Variants in MYO1D observed in about 807,000 individuals in gnomAD.
The protein encoded by MYO1D is myosin ID, also known as unconventional myosin-Id.
Under a neutral mutation model 122.0 loss-of-function variants are expected in MYO1D, and 83 were observed. The ratio of observed to expected loss-of-function variants is 0.68; its 90% CI spans 0.57 to 0.82. The LOEUF (loss-of-function observed/expected upper bound fraction) is 0.82. MYO1D is among the 40% of genes least tolerant of loss of function. The pLI is 0.00. For missense variants in MYO1D, 1,157 were observed against 1,269.5 expected, an observed-to-expected ratio of 0.91 and a Z score of 1.35; for synonymous variants, 464 against 446.9, an observed-to-expected ratio of 1.04 and a Z score of -0.48.
intron 1 of MYO1D, among the ~76,000 whole-genome samples, chr17:32,822,477 G>T (rs1452128794): frequency 1.3e-5 from 2 of 148,196 alleles, no homozygotes; most frequent in East Asian, 4.0e-4. Flanking sequence ...GGTGGGGGGC[G>T]GGGGGCGCGC....
chr17:32,654,005 CA>C (rs951631192), intron 18 of MYO1D, 58 bp from the exon 19 acceptor site: 3 of 1,388,834 alleles, frequency 2.2e-6, no homozygotes, highest in Admixed American at 3.8e-5. Context: ...GAAGGAAAGG[CA>C]ATCTTTCAGT....
chr17:32,673,230 A>G (rs912164707), intron 16 of MYO1D, among the ~76,000 whole-genome samples: 11 of 147,354 alleles, frequency 7.5e-5, no homozygotes, highest in Non-Finnish European at 1.5e-4. Flanking sequence ...CAGCCTCCTG[A>G]GTAATTGGGA....
chr17:32,873,099 T>C (rs552274050), intron 1 of MYO1D, among the ~76,000 whole-genome samples: 1 of 152,230 alleles, frequency 6.6e-6, no homozygotes, highest in East Asian at 1.9e-4. Context: ...GAAGGCCAGA[T>C]TAATAGCAAA....
In MYO1D at chr17:32,788,663, T is replaced by C. The variant is rs531380165; in HGVS notation, c.96-7879A>G. Among the ~76,000 whole-genome samples, 158 of 152,344 alleles carry C rather than the reference T, an allele frequency of 1.0e-3. 1 individual carries two copies. The highest frequency in any genetic ancestry group is 3.4e-3 in the Admixed American group (52 of 15,304). ...TGTTTTGGTAACTATAGCCTTACAG[T>C]ATAATTTGAAGTCAGGTAATGTCAT... On this transcript the variant is annotated intron_variant, in intron 1 of 21. Transcript: ENST00000318217.
chr17:32,718,155 A>G (rs2089469138), intron 15 of MYO1D, among the ~76,000 whole-genome samples: 1 of 152,208 alleles, frequency 6.6e-6, no homozygotes, highest in Non-Finnish European at 1.5e-5. Context: ...TCAAATTTAC[A>G]TACACTAAAA....
At chr17:32,690,655 GCT>G (rs2089084785) in intron 16 of MYO1D, among the ~76,000 whole-genome samples, 2 of 152,132 alleles carry the variant, frequency 1.3e-5, no homozygotes, top group African/African-American at 4.8e-5. Context: ...GTGACCTCTT[GCT>G]CTGTTAGTTC....
chr17:32,659,066 T>C, intron 17 of MYO1D, 49 bp downstream of exon 17: 1 of 1,519,552 alleles, frequency 6.6e-7, no homozygotes, highest in South Asian at 1.1e-5. Context: ...TTGCATAGTA[T>C]TAACTGTGCC....
intron 1 of MYO1D, among the ~76,000 whole-genome samples, chr17:32,795,992 C>T (rs1363518448): frequency 2.0e-5 from 3 of 151,952 alleles, no homozygotes; most frequent in Non-Finnish European, 4.4e-5. Context: ...GGGTTCGAAC[C>T]GATACAAGAC....
chr17:32,876,589 C>A lies in MYO1D; in HGVS notation c.95+189G>T, dbSNP rs2091233488. ...CCCCCGCACCCCAAAGCGGCCGCAC[C>A]CCAGGGGCGTCCGCTCTCGGGAAAG... On this transcript the variant is annotated intron_variant, in intron 1 of 21. Coordinates refer to ENST00000318217, the MANE Select transcript of MYO1D (RefSeq NM_015194.3). Among the ~76,000 whole-genome samples, 4 of 152,146 alleles carry A rather than the reference C, an allele frequency of 2.6e-5. No individual in the cohort carries two copies. The South Asian group carries it at 8.3e-4, about 32-fold the overall frequency.
chr17:32,780,774 C>A lies in MYO1D; in HGVS notation c.106G>T (p.Gly36Trp), dbSNP rs773238954. ...MANLRLRFEKGRIYTFIGEVV... is the reference protein window; with the variant it reads ...MANLRLRFEKWRIYTFIGEVV... ...TCTCCAATGAACGTATAGATGCGCC[C>A]TTTTTCAAATCTGTACAGAAGCAAA... Residue 36 changes from glycine to tryptophan, a missense_variant, in exon 2 of 22, where the codon GGG (glycine) becomes TGG (tryptophan). Transcript: ENST00000318217. 1.2e-6 allele frequency: 2 copies of A among 1,614,096 alleles called. No homozygotes were observed. The highest frequency in any genetic ancestry group is 1.1e-5 in the South Asian group (1 of 91,072).
rs1211711299 is a variant in MYO1D at position 32,692,071 on chromosome 17, G to A, written c.2121+19917C>T. Among the ~76,000 whole-genome samples the A allele has an allele frequency of 3.3e-5, 5 of 152,276 alleles. No homozygotes were observed. The South Asian group carries it at 1.0e-3, about 32-fold the overall frequency. On this transcript the variant is annotated intron_variant, in intron 16 of 21. Coordinates refer to ENST00000318217, the MANE Select transcript of MYO1D (RefSeq NM_015194.3). ...TGTATATTAAAGGTATTCATAATCT[G>A]CAGTTGCTGAAATTTTTAAAAATAT...
intron 21 of MYO1D, among the ~76,000 whole-genome samples, chr17:32,564,796 T>C (rs379123): frequency 0.49 from 75,079 of 151,928 alleles, 19,374 homozygotes; most frequent in African/African-American, 0.65. Flanking sequence ...AGCCATGTGG[T>C]GTTTACAGGG....
At chr17:32,498,162 C>G (rs1909187973) in intron 21 of MYO1D, 1 of 152,246 alleles carries the variant, frequency 6.6e-6, no homozygotes, top group Admixed American at 6.5e-5. Context: ...TCTCGGGGAC[C>G]TGTCCCTCTC....
intron 19 of MYO1D, among the ~76,000 whole-genome samples, chr17:32,653,074 G>A (rs1325401069): frequency 6.6e-6 from 1 of 151,862 alleles, no homozygotes; most frequent in African/African-American, 2.4e-5. Context: ...CCTGGGAGGC[G>A]GAGCTTGCAG....
At chr17:32,619,809 A>G (rs2087831298) in intron 20 of MYO1D, among the ~76,000 whole-genome samples, 1 of 151,878 alleles carries the variant, frequency 6.6e-6, no homozygotes, top group Admixed American at 6.6e-5. Context: ...AATTTTTTTG[A>G]CCCTCTCAGT....
At chr17:32,799,101 T>C (rs1016125021) in intron 1 of MYO1D, among the ~76,000 whole-genome samples, 3 of 152,102 alleles carry the variant, frequency 2.0e-5, no homozygotes, top group African/African-American at 7.2e-5. Flanking sequence ...CTTGTGAAAA[T>C]AACCAAGTAT....
At chr17:32,810,157 G>A (rs763294882) in intron 1 of MYO1D, among the ~76,000 whole-genome samples, 3 of 152,140 alleles carry the variant, frequency 2.0e-5, no homozygotes, top group African/African-American at 7.2e-5. Flanking sequence ...CCAGAGCCAG[G>A]AACCAATGTG....
At chr17:32,667,268 AG>A (rs1169964411) in intron 16 of MYO1D, among the ~76,000 whole-genome samples, 5 of 152,228 alleles carry the variant, frequency 3.3e-5, no homozygotes, top group African/African-American at 1.2e-4. Flanking sequence ...AGGAAGACTC[AG>A]AGACAGAAAA....
intron 16 of MYO1D, among the ~76,000 whole-genome samples, chr17:32,671,067 G>A (rs545415159): frequency 3.3e-5 from 5 of 152,352 alleles, no homozygotes; most frequent in African/African-American, 1.2e-4. Context: ...CCAGAGTGGG[G>A]CAAAAGGCTG....
Sources: gnomAD v4.1 joint callset for allele counts (sites outside exome capture counted in the v4.1 genomes callset) on GRCh38, gnomAD v4.1.1 for gene constraint, MANE v1.5 for transcripts, NCBI Gene and HGNC (gene_info 2026-07-23, HGNC 2026-07-21) for gene names.